Variants in ADAM32 observed in about 807,000 individuals in gnomAD.
The protein encoded by ADAM32 is ADAM metallopeptidase domain 32, also known as disintegrin and metalloproteinase domain-containing protein 32.
ADAM32 carries 89 observed loss-of-function variants against 114.9 expected under a neutral mutation model. The observed-to-expected ratio is 0.77, with a 90% CI of 0.65 to 0.92. The LOEUF (loss-of-function observed/expected upper bound fraction) is 0.92. Among genes scored for constraint, ADAM32 ranks in the 40% least tolerant of loss-of-function variants. The probability of loss-of-function intolerance (pLI) is 0.00; values close to 1 mark genes in which losing one functional copy is unlikely to be tolerated. For missense variants in ADAM32, 870 were observed against 932.8 expected (o/e 0.93, Z 0.88); for synonymous variants, 285 against 307.5 (o/e 0.93, Z 0.77).
chr8:39,115,110 G>A (rs1006346436), intron 1 of ADAM32, among the ~76,000 whole-genome samples: 1 of 152,146 alleles, frequency 6.6e-6, no homozygotes, highest in African/African-American at 2.4e-5. Flanking sequence ...TCTTTATCCA[G>A]TCCACCACTG....
At chr8:39,202,058 T>C (rs1254187692) in intron 11 of ADAM32, among the ~76,000 whole-genome samples, 1 of 152,222 alleles carries the variant, frequency 6.6e-6, no homozygotes, top group East Asian at 1.9e-4. Context: ...TTTGCATTGA[T>C]GTTCATCAGG....
At chr8:39,110,972 T>G (rs1840131747) in intron 1 of ADAM32, among the ~76,000 whole-genome samples, 1 of 152,212 alleles carries the variant, frequency 6.6e-6, no homozygotes, top group African/African-American at 2.4e-5. Context: ...TTCTGGGTAT[T>G]TCGTATAAAT....
intron 6 of ADAM32, chr8:39,157,859 G>T: frequency 1.7e-6 from 1 of 593,028 alleles, no homozygotes; most frequent in Non-Finnish European, 3.0e-6. Context: ...CCTTGATGAA[G>T]TAGCCCTGAC....
chr8:39,202,886 T>C (rs865907426), intron 11 of ADAM32, among the ~76,000 whole-genome samples: 28 of 152,192 alleles, frequency 1.8e-4, no homozygotes, highest in African/African-American at 4.6e-4. Context: ...CATTTTGTTA[T>C]GTACCCAGTA....
chr8:39,237,539 G>A (rs1269138728), intron 16 of ADAM32, among the ~76,000 whole-genome samples: 6 of 149,954 alleles, frequency 4.0e-5, no homozygotes, highest in African/African-American at 1.5e-4. Context: ...GGCTGCTTGG[G>A]GAGCATGGTG....
intron 12 of ADAM32, among the ~76,000 whole-genome samples, chr8:39,220,366 T>G (rs1326894858): frequency 3.9e-5 from 6 of 152,132 alleles, no homozygotes; most frequent in Non-Finnish European, 8.8e-5. Flanking sequence ...AGACAGCAGA[T>G]GGATGGGTTT....
At chr8:39,265,499 C>T (rs187474620) in intron 19 of ADAM32, among the ~76,000 whole-genome samples, 142 of 152,168 alleles carry the variant, frequency 9.3e-4, no homozygotes, top group African/African-American at 3.2e-3. Context: ...TTACATTCAA[C>T]GTTAATATTG....
At chr8:39,121,172 C>T (rs976416667) in intron 2 of ADAM32, among the ~76,000 whole-genome samples, 1 of 152,150 alleles carries the variant, frequency 6.6e-6, no homozygotes, top group Non-Finnish European at 1.5e-5. Flanking sequence ...AAAGATTCCT[C>T]ATGATTTAAT....
rs143580752 is a variant in ADAM32, at chr8:39,270,807, C to T, written c.2163-69C>T. On this transcript the variant is annotated intron_variant, in intron 19 of 24. Coordinates refer to ENST00000379907, the MANE Select transcript of ADAM32 (RefSeq NM_145004.7). ...GAGATAATACTGATTATAAAATGGA[C>T]TGATTTTAATTCATGAAGTTGGCAA... The T allele has an allele frequency of 3.8e-4, 466 of 1,218,344 alleles. No individual in the cohort carries two copies. In the African/African-American group the frequency reaches 6.2e-3, roughly 16 times the overall value. The allele number at this position is 1,218,344 out of a possible 1,614,324, so 75.5% of individuals were successfully genotyped here.
chr8:39,274,812 T>G (rs1012796053), intron 21 of ADAM32, among the ~76,000 whole-genome samples: 1 of 152,252 alleles, frequency 6.6e-6, no homozygotes, highest in Admixed American at 6.5e-5. Context: ...ATTACTCACT[T>G]GTTTGTGGTG....
chr8:39,149,684 G>T, intron 4 of ADAM32, 107 bp from the exon 5 acceptor site: 1 of 769,596 alleles, frequency 1.3e-6, no homozygotes, highest in South Asian at 2.1e-5. Flanking sequence ...TATAAATCAC[G>T]GAGCCTGTGA....
chr8:39,205,462 C>T (rs756678347), intron 11 of ADAM32, among the ~76,000 whole-genome samples: 2 of 152,224 alleles, frequency 1.3e-5, no homozygotes, highest in Non-Finnish European at 2.9e-5. Flanking sequence ...TTTGCTAAGA[C>T]CATTGGAAAA....
intron 14 of ADAM32, among the ~76,000 whole-genome samples, chr8:39,225,209 A>G (rs931525046): frequency 6.6e-6 from 1 of 152,080 alleles, no homozygotes; most frequent in African/African-American, 2.4e-5. Context: ...CACTGTGTGC[A>G]CTCATACGTC....
At chr8:39,235,355 A>G (rs186873770) in intron 16 of ADAM32, among the ~76,000 whole-genome samples, 1 of 152,224 alleles carries the variant, frequency 6.6e-6, no homozygotes, top group African/African-American at 2.4e-5. Flanking sequence ...AGCCACTTTT[A>G]GTGGTTTTAT....
intron 11 of ADAM32, among the ~76,000 whole-genome samples, chr8:39,194,533 G>A (rs1434060246): frequency 6.6e-6 from 1 of 152,182 alleles, no homozygotes; most frequent in Admixed American, 6.5e-5. Context: ...TAGACAGGCT[G>A]CAGTGAAGAG....
chr8:39,245,862 C>G (rs1017517283), intron 16 of ADAM32, among the ~76,000 whole-genome samples: 18 of 152,104 alleles, frequency 1.2e-4, no homozygotes, highest in Admixed American at 6.5e-5. Context: ...CATGAAGAAA[C>G]ATAGTAATAA....
intron 11 of ADAM32, among the ~76,000 whole-genome samples, chr8:39,187,888 T>C (rs1356485992): frequency 6.6e-6 from 1 of 152,092 alleles, no homozygotes; most frequent in Non-Finnish European, 1.5e-5. Context: ...TGTAGAATTC[T>C]ATAAGTATGT....
chr8:39,164,915 A>G (rs550225866), intron 8 of ADAM32, 80 bp downstream of exon 8: 29 of 1,503,216 alleles, frequency 1.9e-5, no homozygotes, highest in Non-Finnish European at 2.6e-5. Flanking sequence ...GTATTCCTGG[A>G]TAATTAACCC....
intron 1 of ADAM32, among the ~76,000 whole-genome samples, chr8:39,114,286 A>G (rs1023036010): frequency 2.0e-5 from 3 of 152,190 alleles, no homozygotes; most frequent in Admixed American, 6.5e-5. Context: ...ACAGGACACT[A>G]TGGAGGAGTC....
Sources: gnomAD v4.1 joint callset for allele counts (sites outside exome capture counted in the v4.1 genomes callset) on GRCh38, gnomAD v4.1.1 for gene constraint, MANE v1.5 for transcripts, NCBI Gene and HGNC (gene_info 2026-07-23, HGNC 2026-07-21) for gene names.